HRH1: variants seen among roughly 807,000 people sequenced by gnomAD.
The protein encoded by HRH1 is histamine receptor H1.
In HRH1, 6 loss-of-function variants were observed where a neutral mutation model predicts 10.3. That is an observed-to-expected ratio of 0.58 (90% CI 0.32 to 1.15). HRH1 has a LOEUF of 1.15. Ranked by LOEUF, HRH1 falls within the 50% of genes most tolerant of loss-of-function variation. The probability of loss-of-function intolerance (pLI) is 0.05; values close to 1 mark genes in which losing one functional copy is unlikely to be tolerated. For synonymous variants in HRH1, 242 were observed against 236.7 expected, an observed-to-expected ratio of 1.02 and a Z score of -0.21; for missense variants, 514 against 615.3, an observed-to-expected ratio of 0.84 and a Z score of 1.74.
At chr3:11,256,364 A>G (rs1207261292) in intron 1 of HRH1, among the ~76,000 whole-genome samples, 1 of 152,230 alleles carries the variant, frequency 6.6e-6, no homozygotes, top group East Asian at 1.9e-4. Flanking sequence ...CCAAGAGATC[A>G]CTGAGAAAAT....
intron 1 of HRH1, among the ~76,000 whole-genome samples, chr3:11,252,499 C>A (rs1216105869): frequency 6.6e-6 from 1 of 152,088 alleles, no homozygotes; most frequent in Admixed American, 6.6e-5. Context: ...CTCCGTAAAC[C>A]CCCGGGGTAA....
intron 1 of HRH1, among the ~76,000 whole-genome samples, chr3:11,235,445 C>T (rs760435522): frequency 2.6e-5 from 4 of 152,170 alleles, no homozygotes; most frequent in Non-Finnish European, 5.9e-5. Context: ...CTCCCCACTT[C>T]GCTTCTCTTG....
chr3:11,219,636 C>T (rs1938632906), intron 1 of HRH1, among the ~76,000 whole-genome samples: 1 of 145,444 alleles, frequency 6.9e-6, no homozygotes, highest in East Asian at 2.0e-4. Context: ...TCGCTTGGAC[C>T]CGGGAGGTGG....
intron 1 of HRH1, among the ~76,000 whole-genome samples, chr3:11,201,788 G>A (rs1335732801): frequency 6.6e-6 from 1 of 152,226 alleles, no homozygotes; most frequent in Admixed American, 6.5e-5. Context: ...CAGGAAGCAT[G>A]TCCAGCTGGG....
At chr3:11,218,290 C>CA (rs1053174935) in intron 1 of HRH1, among the ~76,000 whole-genome samples, 34 of 151,240 alleles carry the variant, frequency 2.2e-4, no homozygotes, top group Admixed American at 6.6e-4. Context: ...GTTAAAAATA[C>CA]AAAAAAAATT....
At chr3:11,205,743 C>G in intron 1 of HRH1, among the ~76,000 whole-genome samples, 1 of 151,412 alleles carries the variant, frequency 6.6e-6, no homozygotes, top group Non-Finnish European at 1.5e-5. Flanking sequence ...CTCACTGTAA[C>G]CTCCGCCTCC....
intron 1 of HRH1, among the ~76,000 whole-genome samples, chr3:11,245,593 A>G (rs1939459424): frequency 6.6e-6 from 1 of 152,112 alleles, no homozygotes; most frequent in South Asian, 2.1e-4. Context: ...ATGTGCAAGG[A>G]GCGCTGACTG....
chr3:11,183,292 T>C (rs527845086), intron 1 of HRH1, among the ~76,000 whole-genome samples: 6 of 152,204 alleles, frequency 3.9e-5, no homozygotes, highest in Admixed American at 1.3e-4. Flanking sequence ...GGCGGCAGGG[T>C]CAGGTGGAGG....
intron 1 of HRH1, among the ~76,000 whole-genome samples, chr3:11,155,461 G>T (rs201513158): frequency 6.6e-6 from 1 of 152,260 alleles, no homozygotes; most frequent in East Asian, 1.9e-4. Flanking sequence ...CTCCTGCTCT[G>T]TTACCCCACC....
chr3:11,138,341 A>G (rs1387707194), intron 1 of HRH1, among the ~76,000 whole-genome samples: 1 of 151,904 alleles, frequency 6.6e-6, no homozygotes, highest in African/African-American at 2.4e-5. Context: ...AACTCTTACA[A>G]CTCAACACAC....
intron 1 of HRH1, chr3:11,137,408 C>T (rs934484311): frequency 6.6e-6 from 1 of 152,644 alleles, no homozygotes; most frequent in Admixed American, 6.5e-5. Flanking sequence ...AGGTGAGAGG[C>T]AATTACCGCC....
intron 1 of HRH1, among the ~76,000 whole-genome samples, chr3:11,160,211 C>CT (rs1282944521): frequency 2.6e-5 from 4 of 152,152 alleles, no homozygotes; most frequent in Non-Finnish European, 5.9e-5. Context: ...TTTGTGGAAT[C>CT]TCCATATTAT....
chr3:11,163,622 CT>C (rs544369451), intron 1 of HRH1, among the ~76,000 whole-genome samples: 24 of 152,300 alleles, frequency 1.6e-4, no homozygotes, highest in Non-Finnish European at 2.8e-4. Context: ...GGCCTCACCC[CT>C]ATAAGGCTAA....
chr3:11,213,329 G>C (rs545341503), intron 1 of HRH1, among the ~76,000 whole-genome samples: 1 of 152,182 alleles, frequency 6.6e-6, no homozygotes, highest in Non-Finnish European at 1.5e-5. Flanking sequence ...GCCTGGACCT[G>C]TTCCTTACTA....
At chr3:11,202,434 A>ATAAT (rs201714208) in intron 1 of HRH1, among the ~76,000 whole-genome samples, 23 of 148,336 alleles carry the variant, frequency 1.6e-4, no homozygotes, top group South Asian at 8.5e-4. Flanking sequence ...AAATAAATAA[A>ATAAT]TAATTAATTA....
intron 1 of HRH1, among the ~76,000 whole-genome samples, chr3:11,170,503 G>C (rs771094195): frequency 6.6e-6 from 1 of 152,260 alleles, no homozygotes; most frequent in Non-Finnish European, 1.5e-5. Context: ...CGGCGGCCTG[G>C]TGGGGAAGGC....
At chr3:11,153,918 C>A (rs551875361), upstream of HRH1, among the ~76,000 whole-genome samples, 1 of 152,284 alleles carries the variant, frequency 6.6e-6, no homozygotes, top group South Asian at 2.1e-4. Flanking sequence ...TCCCCGAAAC[C>A]TCTAGGGGTA....
intron 1 of HRH1, among the ~76,000 whole-genome samples, chr3:11,163,044 G>A (rs1399606017): frequency 6.6e-6 from 1 of 152,114 alleles, no homozygotes; most frequent in Non-Finnish European, 1.5e-5. Flanking sequence ...TGCAGACCTG[G>A]AAGAGGTCTA....
At chr3:11,171,252 G>A (rs929808906) in intron 1 of HRH1, among the ~76,000 whole-genome samples, 6 of 151,990 alleles carry the variant, frequency 3.9e-5, no homozygotes, top group African/African-American at 1.5e-4. Context: ...AAGTAGCTGG[G>A]ATTACAGGCA....
Sources: gnomAD v4.1 joint callset for allele counts (sites outside exome capture counted in the v4.1 genomes callset) on GRCh38, gnomAD v4.1.1 for gene constraint, MANE v1.5 for transcripts, NCBI Gene and HGNC (gene_info 2026-07-23, HGNC 2026-07-21) for gene names.